The following MARCHF3 variants were observed in gnomAD, a reference collection of about 807,000 sequenced individuals.
MARCHF3 encodes the protein E3 ubiquitin-protein ligase MARCHF3.
MARCHF3 carries 13 observed loss-of-function variants against 24.2 expected under a neutral mutation model. The observed-to-expected ratio is 0.54, with a 90% CI of 0.35 to 0.85. MARCHF3 has a LOEUF of 0.85. MARCHF3 is among the 40% of genes least tolerant of loss of function. MARCHF3 has a pLI of 0.01. For missense variants in MARCHF3, 276 were observed against 325.0 expected (o/e 0.85, Z 1.16); for synonymous variants, 144 against 137.3 (o/e 1.05, Z -0.34).
At chr5:126,991,703 A>C (rs1006592369) in intron 1 of MARCHF3, among the ~76,000 whole-genome samples, 17 of 151,594 alleles carry the variant, frequency 1.1e-4, no homozygotes, top group Non-Finnish European at 2.1e-4. Context: ...CCTGGACGAC[A>C]GAGCAAGATT....
At chr5:126,883,715 C>G (rs531463308) in intron 3 of MARCHF3, among the ~76,000 whole-genome samples, 173 of 152,252 alleles carry the variant, frequency 1.1e-3, no homozygotes, top group African/African-American at 4.1e-3. Flanking sequence ...AGAGGGGGTG[C>G]CAGAGGTGCT....
chr5:126,995,089 A>G (rs1751906587), intron 1 of MARCHF3, among the ~76,000 whole-genome samples: 1 of 152,182 alleles, frequency 6.6e-6, no homozygotes, highest in Non-Finnish European at 1.5e-5. Context: ...CTCCCAGTCC[A>G]CTGACTCAAA....
At chr5:127,011,304 G>A (rs1752463377) in intron 1 of MARCHF3, among the ~76,000 whole-genome samples, 3 of 152,144 alleles carry the variant, frequency 2.0e-5, no homozygotes, top group South Asian at 4.1e-4. Context: ...ATAAGGCTCC[G>A]ATGACTGATC....
intron 1 of MARCHF3, among the ~76,000 whole-genome samples, chr5:126,981,021 C>G (rs547202959): frequency 1.3e-5 from 2 of 152,292 alleles, no homozygotes; most frequent in East Asian, 3.9e-4. Flanking sequence ...TTGTGCTGCA[C>G]AAAGAATCAG....
intron 2 of MARCHF3, among the ~76,000 whole-genome samples, chr5:126,917,764 A>G (rs970997676): frequency 1.3e-5 from 2 of 151,872 alleles, no homozygotes; most frequent in African/African-American, 4.8e-5. Flanking sequence ...TGTAAATATG[A>G]TTTGAGGGGA....
Position 126,993,306 on chromosome 5 carries a change from T to C in MARCHF3, c.-57+37044A>G, listed in dbSNP as rs1167290105. On this transcript the variant is annotated intron_variant, in intron 1 of 4. Coordinates refer to ENST00000308660, the MANE Select transcript of MARCHF3 (RefSeq NM_178450.5). The stretch of plus-strand genomic sequence containing the variant: ...CTATTTCAACCATATGAAATGTAGA[T>C]GATAACAAGCCTTACAAGCAAAGTA... Among the ~76,000 whole-genome samples the C allele has an allele frequency of 2.0e-5, 3 of 152,184 alleles. No homozygotes were observed. In the East Asian group the frequency reaches 5.8e-4, roughly 29 times the overall value.
At chr5:126,897,678 G>T (rs1387921589) in intron 3 of MARCHF3, among the ~76,000 whole-genome samples, 6 of 152,040 alleles carry the variant, frequency 3.9e-5, no homozygotes, top group African/African-American at 1.4e-4. Context: ...TTTAAGAGGG[G>T]AAGAAACCAT....
rs192078099 is a variant in MARCHF3 at position 126,974,203 on chromosome 5, T to C, written c.-56-55976A>G. Among the ~76,000 whole-genome samples the C allele has an allele frequency of 1.2e-4, 19 of 152,270 alleles. No homozygotes were observed. The East Asian group carries it at 3.3e-3, about 26-fold the overall frequency. ...TGAGCCACCGCGCCCGGCCGCAAAA[T>C]CTATTTTTTAAAGTGAGGTGCCCAG... On this transcript the variant is annotated intron_variant, in intron 1 of 4. Coordinates refer to ENST00000308660, the MANE Select transcript of MARCHF3 (RefSeq NM_178450.5).
intron 1 of MARCHF3, among the ~76,000 whole-genome samples, chr5:127,024,283 G>C (rs1463216625): frequency 2.0e-5 from 3 of 152,138 alleles, no homozygotes; most frequent in Non-Finnish European, 4.4e-5. Flanking sequence ...TCAAACTTTT[G>C]GTGAACTATC....
chr5:127,027,588 C>T (rs1429529111), intron 1 of MARCHF3, among the ~76,000 whole-genome samples: 1 of 152,110 alleles, frequency 6.6e-6, no homozygotes, highest in Non-Finnish European at 1.5e-5. Context: ...TTAAATTCAT[C>T]AGGTCTTGTT....
Position 126,870,840 on chromosome 5 carries a change from A to G in MARCHF3, c.604-49T>C. 3.7e-6 allele frequency: 6 copies of G among 1,607,392 alleles called. No homozygotes were observed. The South Asian group carries it at 6.6e-5, about 18-fold the overall frequency. On this transcript the variant is annotated intron_variant, in intron 4 of 4. Transcript: ENST00000308660. ...AGAGAAAAGAATTCAGGTCAGCAGA[A>G]GTGGATAATCAATACAAGAAACAAA...
chr5:127,013,889 T>C (rs1430736490), intron 1 of MARCHF3, among the ~76,000 whole-genome samples: 1 of 152,094 alleles, frequency 6.6e-6, no homozygotes, highest in South Asian at 2.1e-4. Context: ...TGCCCCTATA[T>C]AAAAATCTAC....
intron 1 of MARCHF3, among the ~76,000 whole-genome samples, chr5:127,010,245 A>C (rs371969997): frequency 6.6e-6 from 1 of 152,356 alleles, no homozygotes; most frequent in East Asian, 1.9e-4. Context: ...GGGTTACACA[A>C]GGCACATAAA....
intron 1 of MARCHF3, among the ~76,000 whole-genome samples, chr5:126,961,270 C>G (rs1435158029): frequency 6.6e-6 from 1 of 152,122 alleles, no homozygotes; most frequent in Non-Finnish European, 1.5e-5. Context: ...AAGGTTTCAA[C>G]ACATTCTCTT....
intron 1 of MARCHF3, among the ~76,000 whole-genome samples, chr5:126,958,347 C>T (rs1750518789): frequency 6.6e-6 from 1 of 152,052 alleles, no homozygotes; most frequent in Admixed American, 6.6e-5. Context: ...TATATTGTTT[C>T]TCTGGCCAAG....
chr5:127,020,084 A>C (rs1752746924), intron 1 of MARCHF3, among the ~76,000 whole-genome samples: 1 of 152,208 alleles, frequency 6.6e-6, no homozygotes, highest in Non-Finnish European at 1.5e-5. Flanking sequence ...AGTACCAAAT[A>C]ATCTCTGTCT....
intron 1 of MARCHF3, among the ~76,000 whole-genome samples, chr5:126,989,337 C>CTAATAATAA (rs969962430): frequency 1.6e-4 from 23 of 141,412 alleles, no homozygotes; most frequent in African/African-American, 6.2e-4. Context: ...ACTACTACTA[C>CTAATAATAA]TAATAATAAT....
intron 1 of MARCHF3, among the ~76,000 whole-genome samples, chr5:126,988,962 A>G (rs1276570020): frequency 6.6e-6 from 1 of 152,236 alleles, no homozygotes; most frequent in Non-Finnish European, 1.5e-5. Flanking sequence ...TGGATGAAAG[A>G]GGAGATTTTT....
intron 3 of MARCHF3, among the ~76,000 whole-genome samples, chr5:126,908,131 G>A (rs977218285): frequency 6.6e-6 from 1 of 152,142 alleles, no homozygotes; most frequent in African/African-American, 2.4e-5. Context: ...TTTTCTTTAA[G>A]AATGTTGAAT....
Sources: gnomAD v4.1 joint callset for allele counts (sites outside exome capture counted in the v4.1 genomes callset) on GRCh38, gnomAD v4.1.1 for gene constraint, MANE v1.5 for transcripts, NCBI Gene and HGNC (gene_info 2026-07-23, HGNC 2026-07-21) for gene names.